The following XYLB variants were observed in gnomAD, a reference collection of about 807,000 sequenced individuals.
The protein encoded by XYLB is xylulose kinase.
Under a neutral mutation model 78.7 loss-of-function variants are expected in XYLB, and 62 were observed. The observed-to-expected ratio is 0.79, with a 90% confidence interval of 0.64 to 0.97. The LOEUF is 0.97. Ranked by LOEUF, XYLB falls within the 50% of genes least tolerant of loss-of-function variation. The probability of loss-of-function intolerance (pLI) is 0.00; values close to 1 mark genes in which losing one functional copy is unlikely to be tolerated. For synonymous variants in XYLB, 245 were observed against 247.4 expected (o/e 0.99, Z 0.09); for missense variants, 687 against 676.8 (o/e 1.02, Z -0.17).
downstream of XYLB, among the ~76,000 whole-genome samples, chr3:38,417,049 A>G (rs1191593901): frequency 1.3e-5 from 2 of 152,264 alleles, no homozygotes; most frequent in African/African-American, 4.8e-5. Flanking sequence ...AAGGAGACAA[A>G]AAATACATAT....
chr3:38,429,634 A>G, the XYLB span, among the ~76,000 whole-genome samples: 1 of 152,082 alleles, frequency 6.6e-6, no homozygotes, highest in African/African-American at 2.4e-5. Flanking sequence ...ATAAGTATAT[A>G]TGTATTTGGT....
rs1705625316 is a variant in XYLB, at chr3:38,355,971, C to A, written c.141-4368C>A. The A allele has an allele frequency of 8.6e-6, 5 of 584,384 alleles. No homozygotes were observed. The South Asian group carries it at 1.1e-4, about 13-fold the overall frequency. The allele number at this position is 584,384 out of a possible 1,614,324, so 36.2% of individuals were successfully genotyped here. ...CCTTTTTTTAAAGAAAATACTGGGG[C>A]CAGGTGTGGTCGCTCACGCCTGTAA... On this transcript the variant is annotated intron_variant, in intron 2 of 18. Transcript: ENST00000207870.
chr3:38,370,911 C>G (rs990923318), intron 9 of XYLB, among the ~76,000 whole-genome samples: 1 of 152,014 alleles, frequency 6.6e-6, no homozygotes, highest in Non-Finnish European at 1.5e-5. Context: ...TGGGTGCTGC[C>G]CCTGGGGCCC....
chr3:38,357,697 T>C (rs1296613184), intron 2 of XYLB, among the ~76,000 whole-genome samples: 2 of 152,324 alleles, frequency 1.3e-5, no homozygotes, highest in East Asian at 1.9e-4. Context: ...TAACATTTAT[T>C]ATTGACTGTC....
chr3:38,393,071 C>T (rs1707733905), intron 15 of XYLB, among the ~76,000 whole-genome samples: 1 of 152,152 alleles, frequency 6.6e-6, no homozygotes, highest in Non-Finnish European at 1.5e-5. Context: ...GTCTGTTTTA[C>T]CCCATTACTT....
At chr3:38,452,295 A>T in the XYLB span, 1 of 152,178 alleles carries the variant, frequency 6.6e-6, no homozygotes, top group Non-Finnish European at 1.5e-5. Context: ...CCAGGACTGG[A>T]AGGGACTTTT....
chr3:38,451,181 A>G, the XYLB span: 1 of 152,206 alleles, frequency 6.6e-6, no homozygotes, highest in Non-Finnish European at 1.5e-5. Context: ...AGGGGCAAGG[A>G]AGCAATCATG....
the XYLB span, among the ~76,000 whole-genome samples, chr3:38,443,256 G>A: frequency 1.3e-5 from 2 of 152,184 alleles, no homozygotes; most frequent in Non-Finnish European, 2.9e-5. Flanking sequence ...GGGGCTCAGT[G>A]AGGGTGATGA....
chr3:38,443,917 C>T, the XYLB span, among the ~76,000 whole-genome samples: 724 of 151,910 alleles, frequency 4.8e-3, 9 homozygotes, highest in African/African-American at 0.016. Flanking sequence ...CAGATGTTTG[C>T]GACACCAGTC....
chr3:38,411,447 G>C (rs1343046080), intron 18 of XYLB, among the ~76,000 whole-genome samples: 1 of 151,956 alleles, frequency 6.6e-6, no homozygotes, highest in Non-Finnish European at 1.5e-5. Context: ...GAGTTAATGA[G>C]TGCAGCACAC....
At chr3:38,428,386 T>C in the XYLB span, among the ~76,000 whole-genome samples, 5 of 152,264 alleles carry the variant, frequency 3.3e-5, no homozygotes, top group African/African-American at 9.6e-5. Flanking sequence ...ATTTTCTATA[T>C]ACTTGTTATA....
downstream of XYLB, among the ~76,000 whole-genome samples, chr3:38,425,405 C>G (rs1487072341): frequency 6.6e-6 from 1 of 152,180 alleles, no homozygotes; most frequent in African/African-American, 2.4e-5. Flanking sequence ...GAATGAATCA[C>G]TCCCTAAAAC....
At chr3:38,435,875 T>TA in the XYLB span, among the ~76,000 whole-genome samples, 6 of 151,438 alleles carry the variant, frequency 4.0e-5, no homozygotes, top group South Asian at 4.2e-4. Flanking sequence ...GAGATGGAAA[T>TA]AAAAAAAAAT....
chr3:38,423,676 G>C (rs73825573), downstream of XYLB, among the ~76,000 whole-genome samples: 461 of 152,288 alleles, frequency 3.0e-3, 7 homozygotes, highest in African/African-American at 0.01. Context: ...TGATTTGTCA[G>C]ACTTATGTAG....
chr3:38,357,577 G>A (rs988095725), intron 2 of XYLB, among the ~76,000 whole-genome samples: 1 of 152,106 alleles, frequency 6.6e-6, no homozygotes, highest in Admixed American at 6.6e-5. Context: ...TAGTAGAGAT[G>A]GGGTTTCACC....
intron 4 of XYLB, 105 bp from the exon 5 acceptor site, chr3:38,365,094 G>T: frequency 2.0e-6 from 2 of 982,476 alleles, no homozygotes; most frequent in Non-Finnish European, 3.2e-6. Flanking sequence ...AGGGGCAGGT[G>T]TGGAGCCCAG....
At chr3:38,419,466 T>C (rs75656461), downstream of XYLB, among the ~76,000 whole-genome samples, 1,616 of 150,740 alleles carry the variant, frequency 0.011, 27 homozygotes, top group African/African-American at 0.036. Context: ...CTGTTTAACT[T>C]TTTGAGGACC....
intron 17 of XYLB, among the ~76,000 whole-genome samples, chr3:38,400,207 A>G (rs1708065178): frequency 1.3e-5 from 2 of 152,154 alleles, no homozygotes; most frequent in African/African-American, 4.8e-5. Flanking sequence ...TGTATGCCAG[A>G]TGGTGTGCTA....
At chr3:38,352,195 TTTTTTTTC>T in intron 2 of XYLB, among the ~76,000 whole-genome samples, 1 of 152,218 alleles carries the variant, frequency 6.6e-6, no homozygotes, top group African/African-American at 2.4e-5. Context: ...TGAAAAGTCT[TTTTTTTTC>T]TTTTTTTCTT....
Sources: gnomAD v4.1 joint callset for allele counts (sites outside exome capture counted in the v4.1 genomes callset) on GRCh38, gnomAD v4.1.1 for gene constraint, MANE v1.5 for transcripts, NCBI Gene and HGNC (gene_info 2026-07-23, HGNC 2026-07-21) for gene names.